The following FNDC7 variants were observed in gnomAD, a reference collection of about 807,000 sequenced individuals.
FNDC7 encodes fibronectin type III domain containing 7.
FNDC7 carries 66 observed loss-of-function variants against 74.2 expected under a neutral mutation model. The observed-to-expected ratio is 0.89, with a 90% CI of 0.73 to 1.09. The LOEUF is 1.09. Among genes scored for constraint, FNDC7 ranks in the 50% least tolerant of loss-of-function variants. The pLI is 0.00. For missense variants in FNDC7, 829 were observed against 893.4 expected (o/e 0.93, Z 0.92); for synonymous variants, 307 against 330.2 (o/e 0.93, Z 0.76).
chr1:108,713,063 T>C, intron 1 of FNDC7, 67 bp downstream of exon 1: 5 of 1,410,114 alleles, frequency 3.5e-6, no homozygotes, highest in South Asian at 2.7e-5. Context: ...TATTTTTCTC[T>C]CCTTTTTTTT....
At chr1:108,733,807 T>A (rs554457882) in intron 10 of FNDC7, among the ~76,000 whole-genome samples, 16 of 152,130 alleles carry the variant, frequency 1.1e-4, no homozygotes, top group Admixed American at 9.2e-4. Context: ...CCTGGCATCA[T>A]ACCTGAGTAA....
At position 108,728,772 on chromosome 1, in the gene FNDC7, G is replaced by C; in HGVS notation, c.1510G>C (p.Gly504Arg). The change falls in exon 8 of 13, where the codon GGA becomes CGA. Residue 504 changes from glycine to arginine, a missense_variant. Coordinates refer to ENST00000370017, the MANE Select transcript of FNDC7 (RefSeq NM_001144937.3). ...AGGACTGTATCAGTGCAGCAGCACA[G>C]GAGAGTCCTGCACCATGCGGGGCTT... The part of the protein sequence containing the change: ...EKGLYQCSST[G>R]ESCTMRGLPC... The C allele has an allele frequency of 6.2e-7, 1 of 1,614,284 alleles. No individual in the cohort carries two copies. Among genetic ancestry groups the C allele is most frequent in the Non-Finnish European group, 8.5e-7 (1 of 1,180,056 alleles).
rs191299678 is a variant in FNDC7 at position 108,733,250 on chromosome 1, G to A, written c.1880-22G>A. On this transcript the variant is annotated intron_variant, in intron 9 of 12. Coordinates refer to ENST00000370017, the MANE Select transcript of FNDC7 (RefSeq NM_001144937.3). ...GGTGGAATAAAACAAGTGATTTTGT[G>A]TTTGTTATTTTTATTGCCTAGGTGC... 2.0e-5 allele frequency: 32 copies of A among 1,596,004 alleles called. No individual in the cohort carries two copies. The East Asian group carries it at 7.2e-4, about 36-fold the overall frequency.
chr1:108,725,602 T>C lies in FNDC7; in HGVS notation c.857-148T>C, dbSNP rs1661191553. On this transcript the variant is annotated intron_variant, in intron 5 of 12. Transcript: ENST00000370017. ...AAAGAAAATCTTCTAATGCTTCCAG[T>C]GCACAGTTTTGCATTTTGTGCACCA... 5 of 798,960 alleles carry C rather than the reference T, an allele frequency of 6.3e-6. No homozygotes were observed. In the Admixed American group the frequency reaches 8.6e-5, roughly 14 times the overall value. The allele number at this position is 798,960 out of a possible 1,614,324, so 49.5% of individuals were successfully genotyped here.
At position 108,728,799 on chromosome 1, in the gene FNDC7, C is replaced by T; in HGVS notation, c.1537C>T (p.Pro513Ser). 2 of 1,614,244 alleles carry T rather than the reference C, an allele frequency of 1.2e-6. No individual in the cohort carries two copies. Among genetic ancestry groups the T allele is most frequent in the African/African-American group, 2.7e-5 (2 of 75,070 alleles). ...AGAGTCCTGCACCATGCGGGGCTTG[C>T]CCTGTGGCTCAGTGTTCTCTGTCAC... ...TGESCTMRGL[P>S]CGSVFSVTAV... Residue 513 changes from proline to serine, a missense_variant, in exon 8 of 13, where the codon CCC becomes TCC. Physicochemically the swap from Pro to Ser is moderately conservative, Grantham distance 74. Coordinates refer to ENST00000370017, the MANE Select transcript of FNDC7 (RefSeq NM_001144937.3).
intron 11 of FNDC7, among the ~76,000 whole-genome samples, chr1:108,737,964 G>C (rs1440618163): frequency 6.6e-6 from 1 of 152,226 alleles, no homozygotes; most frequent in East Asian, 1.9e-4. Flanking sequence ...AGGTGATTCT[G>C]AAGTATAGCC....
intron 10 of FNDC7, among the ~76,000 whole-genome samples, chr1:108,735,991 A>T (rs527311292): frequency 1.3e-5 from 2 of 152,062 alleles, no homozygotes; most frequent in Non-Finnish European, 2.9e-5. Context: ...ATTTTTTTGT[A>T]GAGACAAGGT....
intron 9 of FNDC7, 67 bp downstream of exon 9, chr1:108,730,995 T>G: frequency 3.4e-6 from 5 of 1,455,448 alleles, no homozygotes; most frequent in Non-Finnish European, 4.6e-6. Context: ...CATGAGCCTT[T>G]CCTCCTCATT....
intron 6 of FNDC7, among the ~76,000 whole-genome samples, chr1:108,727,004 A>G (rs1039656401): frequency 1.3e-5 from 2 of 152,142 alleles, no homozygotes; most frequent in Non-Finnish European, 2.9e-5. Context: ...GACATTTGCC[A>G]GTGGGGTTCT....
In FNDC7 at chr1:108,733,398, C is replaced by G. The variant is rs200104300; in HGVS notation, c.2006C>G (p.Thr669Arg). 6.2e-7 allele frequency: 1 copy of G among 1,614,176 alleles called. No individual in the cohort carries two copies. The highest frequency in any genetic ancestry group is 2.2e-5 in the East Asian group (1 of 44,878). ...CTCTATGGCTCCAAAGGCATTTTCA[C>G]GTGCACCCCGAGTGCTGGCCTCAGT... is the stretch of plus-strand genomic sequence containing the variant. Reference protein sequence around the residue: ...TDLYGSKGIFTCTPSAGLSFC... With the variant: ...TDLYGSKGIFRCTPSAGLSFC... Residue 669 changes from threonine (T) to arginine (R), a missense_variant, in exon 10 of 13, where the codon ACG becomes AGG. Physicochemically the swap from Thr to Arg is moderately conservative, Grantham distance 71. Coordinates refer to ENST00000370017, the MANE Select transcript of FNDC7 (RefSeq NM_001144937.3).
chr1:108,713,035 GA>G, intron 1 of FNDC7, 39 bp downstream of exon 1: 2 of 1,503,138 alleles, frequency 1.3e-6, no homozygotes, highest in Non-Finnish European at 1.8e-6. Context: ...CTATTTAGGG[GA>G]AAAAAGAAAG....
chr1:108,723,844 T>C (rs142463298), intron 5 of FNDC7, among the ~76,000 whole-genome samples: 340 of 152,278 alleles, frequency 2.2e-3, no homozygotes, highest in African/African-American at 7.1e-3. Context: ...GAATAGAATT[T>C]GGATATGAAT....
intron 4 of FNDC7, among the ~76,000 whole-genome samples, chr1:108,721,315 A>T (rs1254059524): frequency 6.6e-6 from 1 of 152,144 alleles, no homozygotes; most frequent in Non-Finnish European, 1.5e-5. Flanking sequence ...TAAAAATACA[A>T]AAAATTAGCA....
Position 108,719,041 on chromosome 1 carries a change from A to G in FNDC7, c.590A>G (p.Gln197Arg), listed in dbSNP as rs1184903897. The G allele has an allele frequency of 6.4e-7, 1 of 1,552,178 alleles. No homozygotes were observed. The highest frequency in any genetic ancestry group is 1.2e-5 in the South Asian group (1 of 84,060). Reference sequence around the variant, plus strand: ...CCTGGGGATGACTCCACCTGCAATCAGAGAACAAGTAAGAACTTCTCAGCT... The same window carrying G: ...CCTGGGGATGACTCCACCTGCAATCGGAGAACAAGTAAGAACTTCTCAGCT... ...RIPGDDSTCN[Q>R]RTSPRAPANI... Residue 197 changes from glutamine (Q) to arginine (R), a missense_variant, in exon 4 of 13, where the codon CAG becomes CGG. Transcript: ENST00000370017.
At chr1:108,736,571 T>A (rs1661519790) in intron 10 of FNDC7, among the ~76,000 whole-genome samples, 1 of 152,240 alleles carries the variant, frequency 6.6e-6, no homozygotes, top group Non-Finnish European at 1.5e-5. Context: ...TCTTTTGTTC[T>A]TTCTCCTGCT....
At chr1:108,729,952 G>C (rs1464185290) in intron 8 of FNDC7, among the ~76,000 whole-genome samples, 1 of 152,230 alleles carries the variant, frequency 6.6e-6, no homozygotes, top group Non-Finnish European at 1.5e-5. Context: ...AGACAGCTAA[G>C]AAATCAAGCT....
At chr1:108,722,243 C>A in intron 4 of FNDC7, 92 bp from the exon 5 acceptor site, 2 of 1,280,002 alleles carry the variant, frequency 1.6e-6, no homozygotes, top group Non-Finnish European at 2.1e-6. Flanking sequence ...CTATTGGGTA[C>A]CTTATCCTCC....
At chr1:108,725,703 G>A (rs753415975) in intron 5 of FNDC7, 47 bp from the exon 6 acceptor site, 3 of 1,579,286 alleles carry the variant, frequency 1.9e-6, no homozygotes, top group East Asian at 4.5e-5. Flanking sequence ...AAGATGCGAA[G>A]AAAATCTCCT....
chr1:108,726,879 TCGATAAGGTCCCGACA>T (rs1397226905), intron 6 of FNDC7, among the ~76,000 whole-genome samples: 1 of 152,180 alleles, frequency 6.6e-6, no homozygotes, highest in East Asian at 1.9e-4. Flanking sequence ...AAAGAGGCTA[TCGATAAGGTCCCGACA>T]CGAGAGGGCC....
Sources: gnomAD v4.1 joint callset for allele counts (sites outside exome capture counted in the v4.1 genomes callset) on GRCh38, gnomAD v4.1.1 for gene constraint, MANE v1.5 for transcripts, NCBI Gene and HGNC (gene_info 2026-07-23, HGNC 2026-07-21) for gene names.